CTNNA3: variants seen among roughly 807,000 people sequenced by gnomAD.
CTNNA3 encodes the protein catenin alpha 3, also known as catenin alpha-3.
A neutral mutation model predicts 95.7 loss-of-function variants in CTNNA3; 76 were observed. The ratio of observed to expected loss-of-function variants is 0.79; its 90% CI spans 0.66 to 0.96. The LOEUF (loss-of-function observed/expected upper bound fraction) is 0.96, where lower values mean the gene tolerates loss of function less well. Among genes scored for constraint, CTNNA3 ranks in the 40% least tolerant of loss-of-function variants. CTNNA3 has a pLI of 0.00. For missense variants in CTNNA3, 1,191 were observed against 1,089.8 expected (o/e 1.09, Z -1.31); for synonymous variants, 431 against 374.4 (o/e 1.15, Z -1.74).
At chr10:67,321,091 G>T (rs150903939) in intron 5 of CTNNA3, among the ~76,000 whole-genome samples, 157 of 152,162 alleles carry the variant, frequency 1.0e-3, no homozygotes, top group African/African-American at 3.5e-3. Context: ...AGTTCTTTGT[G>T]GCCCAACACT....
chr10:66,918,297 A>T (rs1485325649), intron 7 of CTNNA3, among the ~76,000 whole-genome samples: 2 of 152,248 alleles, frequency 1.3e-5, no homozygotes, highest in Admixed American at 1.3e-4. Flanking sequence ...AATGTTAACC[A>T]ATAAAGTTCT....
At chr10:67,292,259 G>C (rs1839867330) in intron 5 of CTNNA3, among the ~76,000 whole-genome samples, 1 of 152,182 alleles carries the variant, frequency 6.6e-6, no homozygotes, top group Non-Finnish European at 1.5e-5. Flanking sequence ...TTAGGGAAAA[G>C]AAGTTCTAGT....
At chr10:67,579,622 T>A (rs1842307159) in intron 3 of CTNNA3, among the ~76,000 whole-genome samples, 1 of 152,220 alleles carries the variant, frequency 6.6e-6, no homozygotes, top group African/African-American at 2.4e-5. Flanking sequence ...CCTTGAGGAA[T>A]CGCCACACTG....
chr10:67,472,295 T>C (rs1847857502), intron 5 of CTNNA3, among the ~76,000 whole-genome samples: 1 of 152,144 alleles, frequency 6.6e-6, no homozygotes, highest in Non-Finnish European at 1.5e-5. Flanking sequence ...ATACATAGAA[T>C]TACATTTCCC....
At chr10:66,524,595 T>G (rs1224684303) in intron 10 of CTNNA3, among the ~76,000 whole-genome samples, 1 of 152,132 alleles carries the variant, frequency 6.6e-6, no homozygotes, top group Non-Finnish European at 1.5e-5. Flanking sequence ...GAGAAATCAT[T>G]AGTTAGCAGT....
intron 5 of CTNNA3, among the ~76,000 whole-genome samples, chr10:67,305,364 T>TAA (rs58055640): frequency 0.17 from 20,121 of 115,828 alleles, 2,477 homozygotes; most frequent in African/African-American, 0.37. Context: ...TAGAGTATAA[T>TAA]AAAAAAAAAA....
rs143601111 is a variant in CTNNA3 at position 66,466,339 on chromosome 10, T to TACACACACACACACAC, written c.1531+54262_1531+54277dup. Among the ~76,000 whole-genome samples the TACACACACACACACAC allele has an allele frequency of 6.5e-3, 919 of 141,796 alleles. 12 individuals are homozygous for TACACACACACACACAC. The highest frequency in any genetic ancestry group is 0.019 in the African/African-American group (732 of 37,918). The allele number at this position is 141,796 out of a possible 152,430, so 93.0% of individuals were successfully genotyped here. A position where few individuals can be genotyped will look rare whatever the true frequency, so the allele number is the denominator to read the frequency against. Reference sequence around the variant, plus strand: ...ACACACACATACACGCACCCACCTATACACACACACACACACACACACACA... The same window carrying TACACACACACACACAC: ...ACACACACATACACGCACCCACCTATACACACACACACACACACACACACACACACACACACACACA... On this transcript the variant is annotated intron_variant, in intron 11 of 17. Transcript: ENST00000433211.
chr10:67,072,063 A>G (rs1035548331), intron 7 of CTNNA3, among the ~76,000 whole-genome samples: 1 of 152,042 alleles, frequency 6.6e-6, no homozygotes, highest in African/African-American at 2.4e-5. Context: ...CGTGATTCTC[A>G]TGCTTCAGCC....
intron 10 of CTNNA3, among the ~76,000 whole-genome samples, chr10:66,573,300 A>G (rs1842921696): frequency 6.6e-6 from 1 of 152,168 alleles, no homozygotes; most frequent in Non-Finnish European, 1.5e-5. Flanking sequence ...GATATGCATT[A>G]TTTCTGAATA....
At chr10:66,604,806 C>CAA (rs1844058840) in intron 10 of CTNNA3, among the ~76,000 whole-genome samples, 1 of 137,492 alleles carries the variant, frequency 7.3e-6, no homozygotes, top group Non-Finnish European at 1.6e-5. Flanking sequence ...AAAAAAAATC[C>CAA]AAAGGTCAAC....
chr10:66,548,912 A>G (rs1842123373), intron 10 of CTNNA3, among the ~76,000 whole-genome samples: 1 of 150,594 alleles, frequency 6.6e-6, no homozygotes, highest in Admixed American at 6.6e-5. Context: ...ATTTCTCTGT[A>G]ATTTTTATAA....
chr10:67,721,635 C>A (rs1011155716), intron 1 of CTNNA3, among the ~76,000 whole-genome samples: 1 of 152,052 alleles, frequency 6.6e-6, no homozygotes, highest in Non-Finnish European at 1.5e-5. Context: ...TTTGCTATTA[C>A]CCACCTTCTG....
intron 7 of CTNNA3, among the ~76,000 whole-genome samples, chr10:66,802,378 T>A (rs867948098): frequency 6.6e-6 from 1 of 151,772 alleles, no homozygotes; most frequent in African/African-American, 2.4e-5. Flanking sequence ...AAAGAAGATA[T>A]GCAAATGACC....
chr10:66,443,409 G>T (rs2093390700), intron 11 of CTNNA3, among the ~76,000 whole-genome samples: 1 of 152,164 alleles, frequency 6.6e-6, no homozygotes, highest in Non-Finnish European at 1.5e-5. Context: ...GCGCCCCCCA[G>T]TAGGGGCAGA....
chr10:66,199,184 T>C (rs1375315041), intron 13 of CTNNA3, among the ~76,000 whole-genome samples: 1 of 152,054 alleles, frequency 6.6e-6, no homozygotes, highest in African/African-American at 2.4e-5. Flanking sequence ...GATTCAAAGG[T>C]GATCCTAGGT....
intron 9 of CTNNA3, among the ~76,000 whole-genome samples, chr10:66,646,660 TC>T (rs1273170467): frequency 1.3e-5 from 2 of 152,088 alleles, no homozygotes; most frequent in Non-Finnish European, 2.9e-5. Flanking sequence ...TGATAGAGAC[TC>T]CACAATTAGA....
intron 5 of CTNNA3, among the ~76,000 whole-genome samples, chr10:67,469,065 G>A (rs1207039511): frequency 6.6e-6 from 1 of 152,208 alleles, no homozygotes; most frequent in African/African-American, 2.4e-5. Flanking sequence ...GGTTGGAAGA[G>A]TGTACCTGGG....
rs998379397 is a variant in CTNNA3, at chr10:66,775,102, T to C, written c.1128+342A>G. ...GGGTCAGGCACTTACATGCATTTTA[T>C]TGATTCCTCACAGCCCTATTGCATA... On this transcript the variant is annotated intron_variant, in intron 8 of 17. Transcript: ENST00000433211. Among the ~76,000 whole-genome samples the C allele has an allele frequency of 6.6e-5, 10 of 152,194 alleles. No individual in the cohort carries two copies. The East Asian group carries it at 1.7e-3, about 26-fold the overall frequency.
intron 13 of CTNNA3, among the ~76,000 whole-genome samples, chr10:66,155,174 A>G (rs2133916063): frequency 6.6e-6 from 1 of 151,982 alleles, no homozygotes; most frequent in Admixed American, 6.6e-5. Context: ...CAAAGCAGAC[A>G]GAAGTACAGA....
Sources: allele counts gnomAD v4.1 joint callset (sites outside exome capture counted in the v4.1 genomes callset), GRCh38; gene constraint gnomAD v4.1.1; transcripts MANE v1.5; gene names NCBI Gene and HGNC (gene_info 2026-07-23, HGNC 2026-07-21).